The following IL19 variants were observed in gnomAD, a reference collection of about 807,000 sequenced individuals.
The protein encoded by IL19 is interleukin 19, also known as interleukin-19.
A neutral mutation model predicts 19.5 loss-of-function variants in IL19; 15 were observed. The observed-to-expected ratio is 0.77, with a 90% CI of 0.52 to 1.19. The LOEUF (loss-of-function observed/expected upper bound fraction) is 1.19. IL19 is among the 50% of genes most tolerant of loss of function. IL19 has a pLI of 0.00. For synonymous variants in IL19, 78 were observed against 78.3 expected (o/e 1.00, Z 0.02); for missense variants, 199 against 213.1 (o/e 0.93, Z 0.41).
chr1:206,785,010 C>T (rs1227979050), intron 1 of IL19, among the ~76,000 whole-genome samples: 2 of 152,142 alleles, frequency 1.3e-5, no homozygotes, highest in Non-Finnish European at 2.9e-5. Flanking sequence ...TGGTTCAGTC[C>T]CAGGAGTTGC....
chr1:206,817,485 A>G (rs1676186898), intron 2 of IL19, among the ~76,000 whole-genome samples: 1 of 152,224 alleles, frequency 6.6e-6, no homozygotes, highest in African/African-American at 2.4e-5. Flanking sequence ...TTTGTGCAGT[A>G]ACACTAATAA....
At chr1:206,838,377 A>G (rs1490787617) in intron 4 of IL19, among the ~76,000 whole-genome samples, 8 of 152,192 alleles carry the variant, frequency 5.3e-5, no homozygotes, top group Admixed American at 5.2e-4. Flanking sequence ...CTTTTTTCTC[A>G]GGTTTCTCTG....
chr1:206,805,144 T>C (rs1675817795), intron 2 of IL19, among the ~76,000 whole-genome samples: 1 of 152,254 alleles, frequency 6.6e-6, no homozygotes, highest in Non-Finnish European at 1.5e-5. Context: ...GTTAGCTGCC[T>C]GGGATGGTTA....
chr1:206,840,279 G>C (rs2102492103), intron 5 of IL19: 1 of 588,846 alleles, frequency 1.7e-6, no homozygotes, highest in Non-Finnish European at 3.2e-6. Context: ...GGCATGGCAA[G>C]GACTCCAGTT....
rs551678046 is a variant in IL19 at position 206,781,183 on chromosome 1, C to T, written c.-149+10105C>T. Among the ~76,000 whole-genome samples, 377 of 151,980 alleles carry T rather than the reference C, an allele frequency of 2.5e-3. 3 individuals are homozygous for T. The highest frequency in any genetic ancestry group is 3.4e-3 in the Middle Eastern group (1 of 294). On this transcript the variant is annotated intron_variant, in intron 1 of 6. Transcript: ENST00000659997. ...GAGAGGGGCCAGGCGCGGTGGCTCA[C>T]GCCTGTAATCCCAGCACTTTGGGAG...
At chr1:206,814,689 G>A (rs1301882783) in intron 2 of IL19, among the ~76,000 whole-genome samples, 1 of 102,080 alleles carries the variant, frequency 9.8e-6, no homozygotes, top group Non-Finnish European at 2.0e-5. Flanking sequence ...GTGAAACTCT[G>A]TCACACACAC....
chr1:206,811,352 G>T (rs2102467777), intron 2 of IL19, among the ~76,000 whole-genome samples: 1 of 151,664 alleles, frequency 6.6e-6, no homozygotes, highest in South Asian at 2.1e-4. Flanking sequence ...GCTGAGGCGG[G>T]AGAATGGCGA....
At chr1:206,786,066 G>C (rs1675263891) in intron 1 of IL19, among the ~76,000 whole-genome samples, 1 of 152,126 alleles carries the variant, frequency 6.6e-6, no homozygotes, top group African/African-American at 2.4e-5. Context: ...AGGGTATCAT[G>C]AGCAAGCTGG....
intron 1 of IL19, among the ~76,000 whole-genome samples, chr1:206,773,868 C>T (rs1422285502): frequency 6.6e-6 from 1 of 152,156 alleles, no homozygotes; most frequent in Non-Finnish European, 1.5e-5. Context: ...CCCTGCCACT[C>T]TATAGTCAGG....
intron 2 of IL19, among the ~76,000 whole-genome samples, chr1:206,802,199 TG>T (rs995499441): frequency 1.3e-5 from 2 of 151,386 alleles, no homozygotes; most frequent in African/African-American, 4.8e-5. Flanking sequence ...GCTTATGAGT[TG>T]GTGATGGAGA....
chr1:206,837,883 G>C (rs1292904013), intron 4 of IL19, among the ~76,000 whole-genome samples: 1 of 152,150 alleles, frequency 6.6e-6, no homozygotes, highest in Non-Finnish European at 1.5e-5. Context: ...GGGCATGCTA[G>C]TGTCCCAAGG....
At chr1:206,814,792 C>T (rs1333942917) in intron 2 of IL19, among the ~76,000 whole-genome samples, 3 of 151,880 alleles carry the variant, frequency 2.0e-5, no homozygotes, top group African/African-American at 4.8e-5. Context: ...GTGAGTCCTA[C>T]TAGGACAGGA....
intron 2 of IL19, among the ~76,000 whole-genome samples, chr1:206,817,410 C>T (rs1237756648): frequency 1.3e-5 from 2 of 152,214 alleles, no homozygotes; most frequent in Non-Finnish European, 2.9e-5. Flanking sequence ...CAATATAAAG[C>T]TTTTCTTTTC....
chr1:206,838,801 T>C (rs1229652369), intron 4 of IL19, among the ~76,000 whole-genome samples: 2 of 113,816 alleles, frequency 1.8e-5, no homozygotes, highest in East Asian at 6.2e-4. Context: ...CTTCCCTTCC[T>C]CTCTCCTTCC....
chr1:206,839,910 A>C lies in IL19; in HGVS notation c.271A>C (p.Lys91Gln), dbSNP rs770895558. Reference sequence around the variant, plus strand: ...GGCGTTCTACGTGGACAGGGTGTTCAAGGATCATCAGGAGCCAAACCCCAA... The same window carrying C: ...GGCGTTCTACGTGGACAGGGTGTTCCAGGATCATCAGGAGCCAAACCCCAA... ...LLAFYVDRVF[K>Q]DHQEPNPKIL... is the part of the protein sequence containing the mutation. The change falls in exon 5 of 7, where the codon AAG (lysine) becomes CAG (glutamine). Residue 91 changes from lysine to glutamine, a missense_variant. Transcript: ENST00000659997. The C allele has an allele frequency of 3.7e-6, 6 of 1,614,106 alleles. No individual in the cohort carries two copies. The highest frequency in any genetic ancestry group is 5.1e-6 in the Non-Finnish European group (6 of 1,179,956).
In IL19 at chr1:206,798,878, C is replaced by G; in HGVS notation, c.-131C>G. On this transcript the variant is annotated 5_prime_UTR_variant, in exon 2 of 7. Coordinates refer to ENST00000659997, the MANE Select transcript of IL19 (RefSeq NM_153758.5). ...CTCCATAGAGCGGTGCTTGCACACACTGACAGGAGTCCAAGAATGTGCACT... is the reference window on the plus strand; with the variant it reads ...CTCCATAGAGCGGTGCTTGCACACAGTGACAGGAGTCCAAGAATGTGCACT... 3 of 1,582,262 alleles carry G rather than the reference C, an allele frequency of 1.9e-6. No individual in the cohort carries two copies. The highest frequency in any genetic ancestry group is 2.6e-6 in the Non-Finnish European group (3 of 1,153,300).
chr1:206,828,734 T>C (rs1229297285), intron 2 of IL19: 1 of 152,188 alleles, frequency 6.6e-6, no homozygotes, highest in African/African-American at 2.4e-5. Flanking sequence ...TTGTGGTGTT[T>C]GTGGTATTTG....
rs77324997 is a variant in IL19, at chr1:206,831,087, C to T, written c.-2-5574C>T. Among the ~76,000 whole-genome samples the T allele has an allele frequency of 2.3e-4, 35 of 152,268 alleles. No individual in the cohort carries two copies. In the South Asian group the frequency reaches 3.5e-3, roughly 15 times the overall value. ...AGGCATGGTACCCTCTGGAATTATGCAATTTTTGTATGCGCTCAAGACTCA... is the reference window on the plus strand; with the variant it reads ...AGGCATGGTACCCTCTGGAATTATGTAATTTTTGTATGCGCTCAAGACTCA... On this transcript the variant is annotated intron_variant, in intron 2 of 6. Transcript: ENST00000659997.
intron 1 of IL19, among the ~76,000 whole-genome samples, chr1:206,784,769 G>A (rs542825599): frequency 1.3e-5 from 2 of 152,232 alleles, no homozygotes; most frequent in African/African-American, 2.4e-5. Flanking sequence ...CCTAGAAAGC[G>A]CTTCACATCT....
Sources: gnomAD v4.1 joint callset for allele counts (sites outside exome capture counted in the v4.1 genomes callset) on GRCh38, gnomAD v4.1.1 for gene constraint, MANE v1.5 for transcripts, NCBI Gene and HGNC (gene_info 2026-07-23, HGNC 2026-07-21) for gene names.